HNF4A: variants seen among roughly 807,000 people sequenced by gnomAD.
The protein encoded by HNF4A is hepatocyte nuclear factor 4-alpha.
Under a neutral mutation model 52.4 loss-of-function variants are expected in HNF4A, and 15 were observed. The observed-to-expected ratio is 0.29, with a 90% CI of 0.19 to 0.44. The LOEUF (loss-of-function observed/expected upper bound fraction) is 0.44. Ranked by LOEUF, HNF4A falls within the 20% of genes least tolerant of loss-of-function variation. The pLI is 1.00. For synonymous variants in HNF4A, 280 were observed against 264.4 expected (o/e 1.06, Z -0.57); for missense variants, 479 against 647.2 (o/e 0.74, Z 2.82).
intron 8 of HNF4A, 192 bp downstream of exon 8, chr20:44,424,446 C>T: frequency 1.8e-6 from 2 of 1,084,862 alleles, no homozygotes; most frequent in Non-Finnish European, 2.7e-6. Context: ...TGTTCAGGCA[C>T]CGAGAACCTA....
At chr20:44,415,421 G>A (rs61511267) in intron 5 of HNF4A, among the ~76,000 whole-genome samples, 1,541 of 152,264 alleles carry the variant, frequency 0.01, 38 homozygotes, top group African/African-American at 0.035. Flanking sequence ...TGTCCCTAGG[G>A]GGAAGAAAGG....
chr20:44,372,341 G>A lies in HNF4A; in HGVS notation c.49+16488G>A, dbSNP rs541265193. On this transcript the variant is annotated intron_variant, in intron 1 of 9. Coordinates refer to the HNF4A transcript ENST00000316673. ...TTCTGCCTCCATTTTCCATTCTTGCGTAGACCAATCCCAGTCAAATCTCTT... is the reference window on the plus strand; with the variant it reads ...TTCTGCCTCCATTTTCCATTCTTGCATAGACCAATCCCAGTCAAATCTCTT... Among the ~76,000 whole-genome samples, 6 of 152,218 alleles carry A rather than the reference G, an allele frequency of 3.9e-5. No individual in the cohort carries two copies. In the East Asian group the frequency reaches 7.7e-4, roughly 20 times the overall value.
At chr20:44,392,536 G>A (rs1355959242) in intron 1 of HNF4A, among the ~76,000 whole-genome samples, 2 of 152,118 alleles carry the variant, frequency 1.3e-5, no homozygotes, top group African/African-American at 2.4e-5. Flanking sequence ...TAGACATAGG[G>A]TCTCACTATG....
At chr20:44,404,123 T>C (rs1252274370) in intron 1 of HNF4A, among the ~76,000 whole-genome samples, 1 of 152,210 alleles carries the variant, frequency 6.6e-6, no homozygotes, top group African/African-American at 2.4e-5. Flanking sequence ...CTGGAAGTCC[T>C]CTGCTCCGAG....
chr20:44,434,521 G>GGT (rs1555820741), downstream of HNF4A: 1 of 149,920 alleles, frequency 6.7e-6, no homozygotes, highest in African/African-American at 2.5e-5. Flanking sequence ...ACAAGCGCGG[G>GGT]GGGGGGGGGG....
intron 6 of HNF4A, 67 bp downstream of exon 6, chr20:44,418,579 C>T: frequency 8.5e-7 from 1 of 1,182,486 alleles, no homozygotes; most frequent in Non-Finnish European, 1.3e-6. Flanking sequence ...CTCACCCAGG[C>T]AAGGAGATTC....
At chr20:44,415,172 G>C (rs1044634240) in intron 5 of HNF4A, among the ~76,000 whole-genome samples, 1 of 152,156 alleles carries the variant, frequency 6.6e-6, no homozygotes, top group Non-Finnish European at 1.5e-5. Flanking sequence ...CTGTAAAGTG[G>C]AAATGATAAT....
Position 44,385,059 on chromosome 20 carries a change from C to CTTTTTTTTTTT in HNF4A, c.50-20981_50-20971dup, listed in dbSNP as rs775721024. Among the ~76,000 whole-genome samples the CTTTTTTTTTTT allele has an allele frequency of 2.5e-3, 88 of 34,982 alleles. 19 individuals carry two copies. The highest frequency in any genetic ancestry group is 0.011 in the East Asian group (5 of 442). The allele number at this position is 34,982 out of a possible 152,430, so 22.9% of individuals were successfully genotyped here. On this transcript the variant is annotated intron_variant, in intron 1 of 9. Coordinates refer to the HNF4A transcript ENST00000316673. ...AGTGGTTTCAGCTGAACTCTGTGAT[C>CTTTTTTTTTTT]TTTTTTTTTTTTTTTTTTTTTTTTT...
At position 44,406,092 on chromosome 20, in the gene HNF4A, G is replaced by T. The variant is rs41282026; in HGVS notation, c.150G>T (p.Ala50=). The T allele has an allele frequency of 1.2e-6, 2 of 1,613,018 alleles. No individual in the cohort carries two copies. Among genetic ancestry groups the T allele is most frequent in the Non-Finnish European group, 1.7e-6 (2 of 1,180,024 alleles). ...CATCAGAAGGCACCAACCTCAACGC[G>T]CCCAACAGCCTGGGTGTCAGCGCCC... is the stretch of plus-strand genomic sequence containing the variant. The change falls in exon 2 of 10, where the codon GCG becomes GCT. Residue 50 remains alanine (A), a synonymous_variant. Transcript: ENST00000316099.
intron 1 of HNF4A, chr20:44,392,241 T>C (rs755141248): frequency 6.6e-6 from 1 of 152,024 alleles, no homozygotes; most frequent in Admixed American, 6.5e-5. Flanking sequence ...TCTCATTTAA[T>C]TGGCATTTTG....
At chr20:44,382,298 G>A (rs1274494476) in intron 1 of HNF4A, among the ~76,000 whole-genome samples, 3 of 151,326 alleles carry the variant, frequency 2.0e-5, no homozygotes, top group East Asian at 3.9e-4. Context: ...GAGTGCGGTG[G>A]CGAGATCTCG....
chr20:44,373,958 G>A (rs2063059544), intron 1 of HNF4A, among the ~76,000 whole-genome samples: 1 of 152,082 alleles, frequency 6.6e-6, no homozygotes, highest in Non-Finnish European at 1.5e-5. Context: ...CCAAACTGCT[G>A]GGATTACAGG....
At chr20:44,400,342 G>A (rs2063391763), upstream of HNF4A, among the ~76,000 whole-genome samples, 1 of 137,560 alleles carries the variant, frequency 7.3e-6, no homozygotes, top group South Asian at 2.2e-4. Flanking sequence ...ACAGGGAGAG[G>A]GAGGAGGGGG....
rs908460806 is a variant in HNF4A, at chr20:44,373,677, C to CT, written c.49+17834dup. On this transcript the variant is annotated intron_variant, in intron 1 of 9. Transcript: ENST00000316673. ...GGTAAGAGATCAAACTATACACACC[C>CT]TTTTTTTTTTAAATTAAACTTTTTA... Among the ~76,000 whole-genome samples, 417 of 149,056 alleles carry CT rather than the reference C, an allele frequency of 2.8e-3. 1 individual carries two copies. Among genetic ancestry groups the CT allele is most frequent in the African/African-American group, 9.1e-3 (371 of 40,690 alleles).
chr20:44,410,667 T>C lies in HNF4A; in HGVS notation c.386-3027T>C, dbSNP rs569604597. Reference sequence around the variant, plus strand: ...AACCAGAAAGTGTGAGCTGGAAAGGTAGGATTTCAAGACCAGCTGAGTCTA... The same window carrying C: ...AACCAGAAAGTGTGAGCTGGAAAGGCAGGATTTCAAGACCAGCTGAGTCTA... On this transcript the variant is annotated intron_variant, in intron 3 of 9. Coordinates refer to ENST00000316099, the MANE Select transcript of HNF4A (RefSeq NM_000457.6). Among the ~76,000 whole-genome samples, 7 of 151,870 alleles carry C rather than the reference T, an allele frequency of 4.6e-5. No individual in the cohort carries two copies. The South Asian group carries it at 1.0e-3, about 23-fold the overall frequency.
chr20:44,363,615 A>G (rs1464946984), intron 1 of HNF4A, among the ~76,000 whole-genome samples: 1 of 151,880 alleles, frequency 6.6e-6, no homozygotes, highest in Non-Finnish European at 1.5e-5. Flanking sequence ...ACCTATCCTC[A>G]TCAGAGACCT....
upstream of HNF4A, among the ~76,000 whole-genome samples, chr20:44,399,691 C>G (rs1488179460): frequency 6.6e-6 from 1 of 152,184 alleles, no homozygotes; most frequent in Non-Finnish European, 1.5e-5. Flanking sequence ...TTCACCCACC[C>G]ATTTGCTCAC....
chr20:44,373,262 G>A (rs995831528), intron 1 of HNF4A, among the ~76,000 whole-genome samples: 2 of 152,054 alleles, frequency 1.3e-5, no homozygotes, highest in South Asian at 2.1e-4. Flanking sequence ...CCATCCTCTC[G>A]CCTAAGCCTC....
Position 44,404,301 on chromosome 20 carries a change from A to G in HNF4A, c.116-1757A>G, listed in dbSNP as rs112640812. Among the ~76,000 whole-genome samples the G allele has an allele frequency of 5.0e-3, 759 of 152,342 alleles. 2 individuals are homozygous for G. Among genetic ancestry groups the G allele is most frequent in the African/African-American group, 0.017 (724 of 41,580 alleles). On this transcript the variant is annotated intron_variant, in intron 1 of 9. Coordinates refer to ENST00000316099, the MANE Select transcript of HNF4A (RefSeq NM_000457.6). ...TGAGGAAACAAAAGCATAGAGAAGT[A>G]AACGAACACAGTCAATGTCACACGG...
Sources: allele counts gnomAD v4.1 joint callset (sites outside exome capture counted in the v4.1 genomes callset), GRCh38; gene constraint gnomAD v4.1.1; transcripts MANE v1.5; gene names NCBI Gene and HGNC (gene_info 2026-07-23, HGNC 2026-07-21).